The following SMURF1 variants were observed in gnomAD, a reference collection of about 807,000 sequenced individuals.
The protein encoded by SMURF1 is SMAD specific E3 ubiquitin protein ligase 1.
A neutral mutation model predicts 98.0 loss-of-function variants in SMURF1; 44 were observed. That is an observed-to-expected ratio of 0.45 (90% confidence interval 0.35 to 0.58). The LOEUF is 0.58. SMURF1 is among the 20% of genes least tolerant of loss of function. The pLI is 0.00. For missense variants in SMURF1, 687 were observed against 938.4 expected (o/e 0.73, Z 3.50); for synonymous variants, 396 against 374.9 (o/e 1.06, Z -0.65).
rs569035973 is a variant in SMURF1 at position 99,095,369 on chromosome 7, C to T, written c.56-33532G>A. 9.1e-4 allele frequency among the ~76,000 whole-genome samples: 139 copies of T among 152,238 alleles called. 1 individual carries two copies. Among genetic ancestry groups the T allele is most frequent in the Admixed American group, 4.6e-3 (71 of 15,288 alleles). ...TGCTGGGATTACAGGCGTGAGCCAC[C>T]GCAGGCGGACTGTTTTTTTGTATAT... On this transcript the variant is annotated intron_variant, in intron 1 of 17. Transcript: ENST00000361368.
chr7:99,131,587 T>C (rs1167261439), intron 1 of SMURF1, among the ~76,000 whole-genome samples: 1 of 152,002 alleles, frequency 6.6e-6, no homozygotes, highest in Non-Finnish European at 1.5e-5. Context: ...CTACAAAAAG[T>C]TTAAAAATTA....
At chr7:99,094,432 A>C (rs1411951957) in intron 1 of SMURF1, among the ~76,000 whole-genome samples, 1 of 152,216 alleles carries the variant, frequency 6.6e-6, no homozygotes, top group Non-Finnish European at 1.5e-5. Context: ...AGTCACTTGA[A>C]TTTATCATAA....
At chr7:99,132,474 G>T (rs1215208256) in intron 1 of SMURF1, among the ~76,000 whole-genome samples, 9 of 152,188 alleles carry the variant, frequency 5.9e-5, no homozygotes, top group African/African-American at 2.2e-4. Flanking sequence ...GACATTGGTA[G>T]ATGGATGATG....
At chr7:99,056,541 G>C (rs1256489080) in intron 5 of SMURF1, among the ~76,000 whole-genome samples, 1 of 152,182 alleles carries the variant, frequency 6.6e-6, no homozygotes, top group Non-Finnish European at 1.5e-5. Flanking sequence ...GGGGCTTCCA[G>C]AAGAAACTAT....
At chr7:99,128,667 A>G (rs969103444) in intron 1 of SMURF1, among the ~76,000 whole-genome samples, 44 of 152,202 alleles carry the variant, frequency 2.9e-4, no homozygotes, top group African/African-American at 1.1e-3. Context: ...TCAAATATCA[A>G]TATTGTACTT....
intron 3 of SMURF1, among the ~76,000 whole-genome samples, chr7:99,058,467 A>G (rs992604775): frequency 1.3e-5 from 2 of 152,190 alleles, no homozygotes; most frequent in Admixed American, 1.3e-4. Context: ...GGACAGTAAC[A>G]TGATTCATAA....
chr7:99,110,892 C>T (rs554962677), intron 1 of SMURF1, among the ~76,000 whole-genome samples: 252 of 152,176 alleles, frequency 1.7e-3, no homozygotes, highest in Non-Finnish European at 3.1e-3. Context: ...AGAGCGGTCC[C>T]CAGGAAAATA....
chr7:99,038,268 C>T (rs1795231250), intron 14 of SMURF1, 120 bp downstream of exon 14: 3 of 1,225,056 alleles, frequency 2.4e-6, no homozygotes, highest in Non-Finnish European at 3.4e-6. Flanking sequence ...TTCATGTGAT[C>T]TGATCATAAG....
Position 99,051,345 on chromosome 7 carries a change from C to G in SMURF1, c.806+12G>C. 6.2e-7 allele frequency: 1 copy of G among 1,611,014 alleles called. No homozygotes were observed. The highest frequency in any genetic ancestry group is 1.3e-5 in the African/African-American group (1 of 74,944). ...AAAGACAGCTGGGGGGTGTCCATTT[C>G]AGGAGGCTTACCTTGGTATCCTGGG... On this transcript the variant is annotated intron_variant, in intron 8 of 17. Coordinates refer to ENST00000361368, the MANE Select transcript of SMURF1 (RefSeq NM_181349.3).
intron 1 of SMURF1, among the ~76,000 whole-genome samples, chr7:99,108,718 A>T (rs1797255846): frequency 6.6e-6 from 1 of 152,016 alleles, no homozygotes; most frequent in Non-Finnish European, 1.5e-5. Context: ...CATTTCTTCA[A>T]TTCCATCACT....
At chr7:99,115,114 C>G (rs1797407923) in intron 1 of SMURF1, among the ~76,000 whole-genome samples, 1 of 151,176 alleles carries the variant, frequency 6.6e-6, no homozygotes, top group Admixed American at 6.6e-5. Context: ...CCAAAGCAAG[C>G]AGAAGAAAGG....
chr7:99,039,228 C>T (rs1795276312), intron 13 of SMURF1, among the ~76,000 whole-genome samples: 1 of 150,674 alleles, frequency 6.6e-6, no homozygotes, highest in Admixed American at 6.6e-5. Flanking sequence ...AAATACTGTT[C>T]CTCCCTTAGA....
chr7:99,052,705 TG>T (rs1795789477), intron 6 of SMURF1, among the ~76,000 whole-genome samples: 1 of 152,114 alleles, frequency 6.6e-6, no homozygotes, highest in South Asian at 2.1e-4. Context: ...TAGACTGAAA[TG>T]ATTAGAAGAA....
At chr7:99,134,335 C>A (rs968301742) in intron 1 of SMURF1, among the ~76,000 whole-genome samples, 7 of 152,164 alleles carry the variant, frequency 4.6e-5, no homozygotes, top group South Asian at 2.1e-4. Flanking sequence ...ATTTCCTCAC[C>A]AGGCTCAAGT....
At chr7:99,099,264 G>A (rs556273876) in intron 1 of SMURF1, among the ~76,000 whole-genome samples, 1 of 145,540 alleles carries the variant, frequency 6.9e-6, no homozygotes, top group South Asian at 2.2e-4. Flanking sequence ...AGTAGAAAAT[G>A]AGAAGGAATG....
intron 1 of SMURF1, among the ~76,000 whole-genome samples, chr7:99,116,328 G>T (rs1327809731): frequency 1.3e-5 from 2 of 151,950 alleles, no homozygotes; most frequent in Non-Finnish European, 2.9e-5. Flanking sequence ...CATATTTACT[G>T]GTGAAAGACC....
At chr7:99,092,117 A>G (rs1796827129) in intron 1 of SMURF1, among the ~76,000 whole-genome samples, 2 of 152,216 alleles carry the variant, frequency 1.3e-5, no homozygotes, top group Non-Finnish European at 2.9e-5. Flanking sequence ...TGATATAGGT[A>G]TCAAATAAAG....
rs188011749 is a variant in SMURF1 at position 99,085,755 on chromosome 7, G to A, written c.56-23918C>T. Among the ~76,000 whole-genome samples, 9 of 152,216 alleles carry A rather than the reference G, an allele frequency of 5.9e-5. No individual in the cohort carries two copies. The East Asian group carries it at 1.2e-3, about 20-fold the overall frequency. ...CTAAAAAATCCTCTGTACTCTACCC[G>A]TTATTCTCCCCGTCCCCTTGGCAAC... On this transcript the variant is annotated intron_variant, in intron 1 of 17. Transcript: ENST00000361368.
At chr7:99,121,843 C>A (rs2150624014) in intron 1 of SMURF1, among the ~76,000 whole-genome samples, 1 of 152,224 alleles carries the variant, frequency 6.6e-6, no homozygotes, top group East Asian at 1.9e-4. Context: ...AAGACAAGCT[C>A]CTCAAACTCC....
Sources: allele counts gnomAD v4.1 joint callset (sites outside exome capture counted in the v4.1 genomes callset), GRCh38; gene constraint gnomAD v4.1.1; transcripts MANE v1.5; gene names NCBI Gene and HGNC (gene_info 2026-07-23, HGNC 2026-07-21).